Variants in LINGO1 observed in about 807,000 individuals in gnomAD.
LINGO1 encodes the protein leucine rich repeat and Ig domain containing 1.
In LINGO1, 11 loss-of-function variants were observed where a neutral mutation model predicts 37.3. The ratio of observed to expected loss-of-function variants is 0.29; its 90% CI spans 0.19 to 0.49. The LOEUF is 0.49. Among genes scored for constraint, LINGO1 ranks in the 20% least tolerant of loss-of-function variants. The pLI is 0.99. For synonymous variants in LINGO1, 387 were observed against 403.0 expected (o/e 0.96, Z 0.48); for missense variants, 585 against 878.2 (o/e 0.67, Z 4.22).
rs77608710 is a variant in LINGO1, at chr15:77,756,830, G to A, written c.-256-21777C>T. 2.5e-4 allele frequency among the ~76,000 whole-genome samples: 38 copies of A among 152,236 alleles called. 2 individuals carry two copies. The East Asian group carries it at 7.3e-3, about 29-fold the overall frequency. The stretch of plus-strand genomic sequence containing the variant: ...CCTAGAGGGCACTGAATGTCCCCAC[G>A]TATATACACCCTGATACTCCACCGC... On this transcript the variant is annotated intron_variant, in intron 1 of 3. Transcript: ENST00000561686.
upstream of LINGO1, chr15:77,788,265 G>A (rs1237661569): frequency 6.6e-6 from 1 of 152,124 alleles, no homozygotes; most frequent in African/African-American, 2.4e-5. Context: ...CCCCCTCTGC[G>A]GCCCTCTATC....
At chr15:77,667,382 G>A (rs192049125) in intron 3 of LINGO1, among the ~76,000 whole-genome samples, 19 of 152,328 alleles carry the variant, frequency 1.2e-4, no homozygotes. Flanking sequence ...TGTGGAGCCT[G>A]CTCTTCAGGC....
chr15:77,653,530 TA>T (rs2074806010), intron 3 of LINGO1, among the ~76,000 whole-genome samples: 1 of 152,234 alleles, frequency 6.6e-6, no homozygotes, highest in Non-Finnish European at 1.5e-5. Context: ...ATCTGGATCT[TA>T]TGAAGCCCTT....
At chr15:77,753,081 C>T (rs1315549739) in intron 1 of LINGO1, among the ~76,000 whole-genome samples, 3 of 152,224 alleles carry the variant, frequency 2.0e-5, no homozygotes, top group Non-Finnish European at 4.4e-5. Flanking sequence ...CTGGCTTTCT[C>T]GCCGTTGTCA....
chr15:77,819,742 A>G (rs1434417845), intron 1 of LINGO1, among the ~76,000 whole-genome samples: 3 of 147,064 alleles, frequency 2.0e-5, no homozygotes, highest in Admixed American at 2.0e-4. Context: ...CCCCGTAGGG[A>G]CCCCGCGGGC....
chr15:77,653,602 C>G (rs1361515354), intron 3 of LINGO1, among the ~76,000 whole-genome samples: 1 of 152,224 alleles, frequency 6.6e-6, no homozygotes, highest in East Asian at 1.9e-4. Context: ...AGGCACGGGA[C>G]CAGGGGCAGG....
chr15:77,622,078 T>G (rs1472063062), intron 1 of LINGO1, among the ~76,000 whole-genome samples: 1 of 152,026 alleles, frequency 6.6e-6, no homozygotes, highest in Non-Finnish European at 1.5e-5. Context: ...TGCCCGTGAC[T>G]GATTGGGCAG....
rs779010722 is a variant in LINGO1, at chr15:77,615,775, G to A, written c.132C>T (p.Pro44=). ...GGTCCTGGGCGGAGCACTCGCAGCG[G>A]GGCGGGCAGCCCGTGGCCGAGCCTG... ...VLSGSATGCP[P]RCECSAQDRA... Residue 44 remains proline (P), a synonymous_variant, in exon 2 of 2, where the codon CCC becomes CCT. Coordinates refer to ENST00000355300, the MANE Select transcript of LINGO1 (RefSeq NM_032808.7). 3.8e-6 allele frequency: 6 copies of A among 1,574,290 alleles called. No homozygotes were observed. Among genetic ancestry groups the A allele is most frequent in the Non-Finnish European group, 4.3e-6 (5 of 1,166,524 alleles).
Position 77,614,562 on chromosome 15 carries a change from C to A in LINGO1, c.1345G>T (p.Asp449Tyr). 1 of 1,610,130 alleles carries A rather than the reference C, an allele frequency of 6.2e-7. No individual in the cohort carries two copies. Among genetic ancestry groups the A allele is most frequent in the Non-Finnish European group, 8.5e-7 (1 of 1,179,000 alleles). Residue 449 changes from aspartate (D) to tyrosine (Y), a missense_variant, in exon 2 of 2, where the codon GAT (aspartate) becomes TAT (tyrosine). Coordinates refer to ENST00000355300, the MANE Select transcript of LINGO1 (RefSeq NM_032808.7). ...AGGATGGCGGGCGGCGGGTCGCCAT[C>A]GGCCCGGCACACAAACTGCACCGTG... ...GHTVQFVCRA[D>Y]GDPPPAILWL...
In LINGO1 at chr15:77,642,859, C is replaced by G. The variant is rs138402220; in HGVS notation, c.-12-26959G>C. Among the ~76,000 whole-genome samples, 1,056 of 152,336 alleles carry G rather than the reference C, an allele frequency of 6.9e-3. 16 individuals carry two copies. The highest frequency in any genetic ancestry group is 0.024 in the African/African-American group (990 of 41,568). On this transcript the variant is annotated intron_variant, in intron 3 of 3. Coordinates refer to the LINGO1 transcript ENST00000559893. The stretch of plus-strand genomic sequence containing the variant: ...CTTCTCCCAGGGGTCCTCTCTGCAC[C>G]CCTTATCTCACTTGTGCAGCCTTGG...
upstream of LINGO1, among the ~76,000 whole-genome samples, chr15:77,698,047 G>A (rs550952774): frequency 1.2e-4 from 18 of 152,306 alleles, 1 homozygote; most frequent in Admixed American, 1.0e-3. Flanking sequence ...ACCTGGGGGA[G>A]GATGGATTTC....
intron 1 of LINGO1, among the ~76,000 whole-genome samples, chr15:77,756,460 A>T (rs2076419578): frequency 6.7e-6 from 1 of 150,214 alleles, no homozygotes; most frequent in African/African-American, 2.5e-5. Flanking sequence ...TTCACAATAC[A>T]CTGACATACA....
At chr15:77,751,109 C>T (rs1337899994) in intron 1 of LINGO1, among the ~76,000 whole-genome samples, 1 of 152,172 alleles carries the variant, frequency 6.6e-6, no homozygotes, top group Non-Finnish European at 1.5e-5. Context: ...GGGCACACCA[C>T]CGTGATTGTC....
At chr15:77,652,531 T>TGC (rs55988808) in intron 3 of LINGO1, among the ~76,000 whole-genome samples, 6 of 141,440 alleles carry the variant, frequency 4.2e-5, no homozygotes, top group African/African-American at 1.5e-4. Flanking sequence ...TGTGTGTGTG[T>TGC]TGCCAGAATA....
chr15:77,767,446 A>G (rs575240504), intron 1 of LINGO1, among the ~76,000 whole-genome samples: 1 of 152,312 alleles, frequency 6.6e-6, no homozygotes, highest in Admixed American at 6.5e-5. Flanking sequence ...GGAAGCTATT[A>G]GAGGGTGTGC....
At chr15:77,624,096 ATGTG>A (rs981933836) in intron 1 of LINGO1, among the ~76,000 whole-genome samples, 10 of 111,268 alleles carry the variant, frequency 9.0e-5, no homozygotes, top group Non-Finnish European at 1.2e-4. Flanking sequence ...TCTGTGAGTG[ATGTG>A]TGTGTGTGGA....
At chr15:77,805,328 G>A (rs1392313503) in intron 1 of LINGO1, among the ~76,000 whole-genome samples, 2 of 152,306 alleles carry the variant, frequency 1.3e-5, no homozygotes, top group African/African-American at 4.8e-5. Context: ...GGGCAGGGGT[G>A]CACCATATGA....
At chr15:77,634,588 C>T (rs1028009223), upstream of LINGO1, among the ~76,000 whole-genome samples, 3 of 152,174 alleles carry the variant, frequency 2.0e-5, no homozygotes, top group African/African-American at 7.2e-5. Context: ...GAACTGGACT[C>T]GTCTTCTATG....
chr15:77,665,460 A>G (rs190292670), intron 3 of LINGO1, among the ~76,000 whole-genome samples: 167 of 152,302 alleles, frequency 1.1e-3, no homozygotes, highest in African/African-American at 3.9e-3. Context: ...CCTGGGCCTC[A>G]GTCTCTCTTC....
Sources: gnomAD v4.1 joint callset for allele counts (sites outside exome capture counted in the v4.1 genomes callset) on GRCh38, gnomAD v4.1.1 for gene constraint, MANE v1.5 for transcripts, NCBI Gene and HGNC (gene_info 2026-07-23, HGNC 2026-07-21) for gene names.